The following IRF6 variants were observed in gnomAD, a reference collection of about 807,000 sequenced individuals.
IRF6 encodes the protein Van der Woude syndrome.
Under a neutral mutation model 51.4 loss-of-function variants are expected in IRF6, and 6 were observed. That is an observed-to-expected ratio of 0.12 (90% CI 0.06 to 0.23). The LOEUF is 0.23. Among genes scored for constraint, IRF6 ranks in the 10% least tolerant of loss-of-function variants. The pLI is 1.00. For missense variants in IRF6, 348 were observed against 585.2 expected (o/e 0.59, Z 4.18); for synonymous variants, 178 against 215.7 (o/e 0.83, Z 1.53).
At chr1:209,791,354 A>G (rs1302084342) in intron 6 of IRF6, among the ~76,000 whole-genome samples, 1 of 152,244 alleles carries the variant, frequency 6.6e-6, no homozygotes, top group Non-Finnish European at 1.5e-5. Context: ...CTGCTCTAAT[A>G]ATATACCATA....
intron 1 of IRF6, among the ~76,000 whole-genome samples, chr1:209,802,962 A>C (rs1170904247): frequency 1.3e-5 from 2 of 152,228 alleles, no homozygotes; most frequent in Non-Finnish European, 2.9e-5. Flanking sequence ...GAGCAAGGCA[A>C]GACCTGCTCT....
At chr1:209,788,840 G>C (rs1261642135) in intron 8 of IRF6, among the ~76,000 whole-genome samples, 196 bp from the exon 9 acceptor site, 1 of 152,178 alleles carries the variant, frequency 6.6e-6, no homozygotes, top group Admixed American at 6.5e-5. Flanking sequence ...TTCAAATGAA[G>C]GTAAAGAACC....
intron 6 of IRF6, among the ~76,000 whole-genome samples, chr1:209,792,040 C>T (rs2077871992): frequency 6.6e-6 from 1 of 152,190 alleles, no homozygotes; most frequent in African/African-American, 2.4e-5. Flanking sequence ...CCCACCTCAG[C>T]CTTCCAAAGG....
At chr1:209,801,801 G>GAAAAA (rs2077945171) in intron 2 of IRF6, among the ~76,000 whole-genome samples, 171 bp downstream of exon 2, 1 of 152,200 alleles carries the variant, frequency 6.6e-6, no homozygotes, top group African/African-American at 2.4e-5. Context: ...GGAGAGGGAA[G>GAAAAA]AAAAAAGTTA....
At position 209,796,563 on chromosome 1, in the gene IRF6, G is replaced by C. The variant is rs1208449398; in HGVS notation, c.175-11C>G. On this transcript the variant is annotated splice_polypyrimidine_tract_variant and intron_variant, in intron 3 of 8. Coordinates refer to ENST00000367021, the MANE Select transcript of IRF6 (RefSeq NM_006147.4). This position sits in a 1 kb window ranked among gnomAD's most constrained non-coding sequence, Gnocchi z 4.5. ...CTCTACAGCCCAGGCCTGAGAACAAGAAACCACAGTGAGTCCTATCATTGC... is the reference window on the plus strand; with the variant it reads ...CTCTACAGCCCAGGCCTGAGAACAACAAACCACAGTGAGTCCTATCATTGC... 1 of 1,608,784 alleles carries C rather than the reference G, an allele frequency of 6.2e-7. No homozygotes were observed. The highest frequency in any genetic ancestry group is 1.7e-5 in the Admixed American group (1 of 59,850).
At position 209,799,061 on chromosome 1, in the gene IRF6, T is replaced by C. The variant is rs115472888; in HGVS notation, c.174+2179A>G. 6.5e-3 allele frequency among the ~76,000 whole-genome samples: 990 copies of C among 152,280 alleles called. 4 individuals carry two copies. Among genetic ancestry groups the C allele is most frequent in the Middle Eastern group, 0.027 (8 of 294 alleles). On this transcript the variant is annotated intron_variant, in intron 3 of 8. Coordinates refer to ENST00000367021, the MANE Select transcript of IRF6 (RefSeq NM_006147.4). ...TCACTGTGCAGGTCCTTATTTCTCT[T>C]TCTAAAGAGGAAATAATCTCTGCAT...
intron 6 of IRF6, among the ~76,000 whole-genome samples, chr1:209,791,835 G>T (rs1364466263): frequency 1.3e-5 from 2 of 152,252 alleles, no homozygotes; most frequent in African/African-American, 4.8e-5. Context: ...ACCCAGACTG[G>T]AGTGCAATGG....
At position 209,797,575 on chromosome 1, in the gene IRF6, G is replaced by A. The variant is rs74156239; in HGVS notation, c.175-1023C>T. 3.5e-3 allele frequency among the ~76,000 whole-genome samples: 531 copies of A among 152,010 alleles called. 5 individuals carry two copies. Among genetic ancestry groups the A allele is most frequent in the African/African-American group, 0.012 (482 of 41,432 alleles). Reference sequence around the variant, plus strand: ...CAACCACACCAGTGGCTGGCAGCACGGACTAAAACCACTTCGACTCCTTCT... The same window carrying A: ...CAACCACACCAGTGGCTGGCAGCACAGACTAAAACCACTTCGACTCCTTCT... On this transcript the variant is annotated intron_variant, in intron 3 of 8. Coordinates refer to ENST00000367021, the MANE Select transcript of IRF6 (RefSeq NM_006147.4).
At chr1:209,788,745 G>T in intron 8 of IRF6, 101 bp from the exon 9 acceptor site, 1 of 855,566 alleles carries the variant, frequency 1.2e-6, no homozygotes, top group Non-Finnish European at 1.9e-6. Context: ...AGGCCCTGAG[G>T]AAGACCCCAT....
chr1:209,804,878 G>A (rs536832756), intron 1 of IRF6, among the ~76,000 whole-genome samples: 5 of 152,254 alleles, frequency 3.3e-5, no homozygotes, highest in East Asian at 1.9e-4. Context: ...GCCATTTCTC[G>A]CAGACAATTC....
chr1:209,788,314 C>T lies in IRF6; in HGVS notation c.*106G>A. 1 of 763,544 alleles carries T rather than the reference C, an allele frequency of 1.3e-6. No homozygotes were observed. The highest frequency in any genetic ancestry group is 2.2e-6 in the Non-Finnish European group (1 of 460,956). 47.3% of individuals were successfully genotyped at this position (763,544 alleles called of 1,614,324 possible). A position where few individuals can be genotyped will look rare whatever the true frequency, so the allele number is the denominator to read the frequency against. On this transcript the variant is annotated 3_prime_UTR_variant, in exon 9 of 9. Transcript: ENST00000367021. ...TATTTGGAGAATCACAAACTTCTAA[C>T]ACTGTTAGAGAAAAGAGAGATTTAA...
Position 209,790,103 on chromosome 1 carries a change from T to G in IRF6, c.1061-318A>C, listed in dbSNP as rs1464256290. 6.6e-6 allele frequency among the ~76,000 whole-genome samples: 1 copy of G among 152,236 alleles called. No homozygotes were observed. Among genetic ancestry groups the G allele is most frequent in the Non-Finnish European group, 1.5e-5 (1 of 68,034 alleles). On this transcript the variant is annotated intron_variant, in intron 7 of 8. Transcript: ENST00000367021. This position sits in a 1 kb window ranked among gnomAD's most constrained non-coding sequence, Gnocchi z 4.8. ...GACATCACGGTGCTTTCCCTAAAAC[T>G]GCCTGCTTGAATTCACCACTCAGAT...
chr1:209,801,183 CAAAAAAA>C (rs35878470), intron 3 of IRF6, 50 bp downstream of exon 3: 183 of 1,045,928 alleles, frequency 1.7e-4, no homozygotes, highest in Admixed American at 4.9e-4. Context: ...TTCCCCATGC[CAAAAAAA>C]AAAAAAAAAA....
In IRF6 at chr1:209,788,794, G is replaced by A. The variant is rs1387652606; in HGVS notation, c.1180-150C>T. 5.8e-6 allele frequency: 4 copies of A among 691,964 alleles called. No individual in the cohort carries two copies. In the African/African-American group the frequency reaches 7.1e-5, roughly 12 times the overall value. 42.9% of individuals were successfully genotyped at this position (691,964 alleles called of 1,614,324 possible). On this transcript the variant is annotated intron_variant, in intron 8 of 8. Coordinates refer to ENST00000367021, the MANE Select transcript of IRF6 (RefSeq NM_006147.4). ...TATAGGATATGCCTTCATCTCTCTG[G>A]ACCATCCTTCTGCCAAGGCTCACTG...
At chr1:209,803,560 G>A (rs2077956590) in intron 1 of IRF6, among the ~76,000 whole-genome samples, 2 of 152,104 alleles carry the variant, frequency 1.3e-5, no homozygotes, top group African/African-American at 4.8e-5. Context: ...CCTAAGATGG[G>A]ACTACACAAG....
intron 4 of IRF6, among the ~76,000 whole-genome samples, chr1:209,795,859 A>AT (rs1031851857): frequency 3.4e-4 from 51 of 151,608 alleles, no homozygotes; most frequent in African/African-American, 1.1e-3. Context: ...GATCATGTTA[A>AT]TTTTTTTTTA....
intron 5 of IRF6, 173 bp from the exon 6 acceptor site, chr1:209,792,600 C>T (rs2102538970): frequency 1.5e-6 from 1 of 651,326 alleles, no homozygotes; most frequent in Non-Finnish European, 2.7e-6. Context: ...AAATAAGGTT[C>T]CCCTGCTCCT....
At chr1:209,795,441 C>A (rs1237952764) in intron 4 of IRF6, 23 bp from the exon 5 acceptor site, 1 of 1,613,236 alleles carries the variant, frequency 6.2e-7, no homozygotes, top group South Asian at 1.1e-5. Context: ...CACAAGCTCG[C>A]AGGTGAGCCA....
chr1:209,791,547 G>C (rs531403010), intron 6 of IRF6, among the ~76,000 whole-genome samples: 1 of 152,240 alleles, frequency 6.6e-6, no homozygotes, highest in South Asian at 2.1e-4. Flanking sequence ...AGATAAATTC[G>C]TACCAAATTC....
Sources: gnomAD v4.1 joint callset for allele counts (sites outside exome capture counted in the v4.1 genomes callset) on GRCh38, gnomAD v4.1.1 for gene constraint, Gnocchi (gnomAD v3.1) non-coding constraint, MANE v1.5 for transcripts, NCBI Gene and HGNC (gene_info 2026-07-23, HGNC 2026-07-21) for gene names.